The following SAMD5 variants were observed in gnomAD, a reference collection of about 807,000 sequenced individuals.
SAMD5 encodes the protein sterile alpha motif domain containing 5.
In SAMD5, 13 loss-of-function variants were observed where a neutral mutation model predicts 11.3. The ratio of observed to expected loss-of-function variants is 1.15; its 90% CI spans 0.75 to 1.83. The LOEUF (loss-of-function observed/expected upper bound fraction) is 1.83, where lower values mean the gene tolerates loss of function less well. Ranked by LOEUF, SAMD5 falls within the 40% of genes most tolerant of loss-of-function variation. The probability of loss-of-function intolerance (pLI) is 0.00; values close to 1 mark genes in which losing one functional copy is unlikely to be tolerated. For missense variants in SAMD5, 255 were observed against 239.1 expected (o/e 1.07, Z -0.44); for synonymous variants, 129 against 111.3 (o/e 1.16, Z -1.00).
intron 1 of SAMD5, among the ~76,000 whole-genome samples, chr6:147,723,852 T>C (rs1791588896): frequency 3.9e-5 from 6 of 152,172 alleles, no homozygotes; most frequent in African/African-American, 1.4e-4. Context: ...AATGTATAAT[T>C]TTGTAGGTTA....
At chr6:147,909,850 C>T in the SAMD5 span, among the ~76,000 whole-genome samples, 2 of 151,956 alleles carry the variant, frequency 1.3e-5, no homozygotes, top group Admixed American at 6.6e-5. Flanking sequence ...TCACAGGCCT[C>T]CCAGGAATGC....
chr6:147,678,618 C>T (rs1168912468), intron 1 of SAMD5, among the ~76,000 whole-genome samples: 1 of 152,136 alleles, frequency 6.6e-6, no homozygotes, highest in African/African-American at 2.4e-5. Context: ...CTCTCCTCAT[C>T]AACAATCTTA....
At chr6:147,556,184 T>A (rs1006789770) in intron 1 of SAMD5, among the ~76,000 whole-genome samples, 1 of 152,060 alleles carries the variant, frequency 6.6e-6, no homozygotes, top group Admixed American at 6.6e-5. Flanking sequence ...GCTCCGCCTC[T>A]TGGGCTCATG....
chr6:147,899,189 A>AAAAAAG, the SAMD5 span, among the ~76,000 whole-genome samples: 44 of 123,364 alleles, frequency 3.6e-4, no homozygotes, highest in African/African-American at 1.4e-3. Flanking sequence ...AAAAAAAAAA[A>AAAAAAG]AAAAGATAAC....
chr6:147,646,058 C>G (rs1484434926), intron 1 of SAMD5, among the ~76,000 whole-genome samples: 1 of 114,342 alleles, frequency 8.7e-6, no homozygotes, highest in African/African-American at 3.0e-5. Flanking sequence ...ATCTATCTAT[C>G]TATCTATCTA....
chr6:147,704,730 CAA>C (rs1424811949), intron 1 of SAMD5, among the ~76,000 whole-genome samples: 5 of 152,046 alleles, frequency 3.3e-5, no homozygotes, highest in African/African-American at 1.2e-4. Flanking sequence ...GGGTAGCTAA[CAA>C]AGAGGAAAGG....
At chr6:147,580,782 A>G (rs2128446198) in intron 1 of SAMD5, among the ~76,000 whole-genome samples, 1 of 152,034 alleles carries the variant, frequency 6.6e-6, no homozygotes, top group African/African-American at 2.4e-5. Flanking sequence ...CTAGCTTTTA[A>G]AGACATAAAT....
the SAMD5 span, among the ~76,000 whole-genome samples, chr6:147,898,241 T>C: frequency 6.6e-6 from 1 of 152,144 alleles, no homozygotes; most frequent in Non-Finnish European, 1.5e-5. Flanking sequence ...TCAGTACTCA[T>C]TTCTCCCAGC....
At chr6:147,941,758 A>G in the SAMD5 span, among the ~76,000 whole-genome samples, 1 of 149,782 alleles carries the variant, frequency 6.7e-6, no homozygotes, top group African/African-American at 2.5e-5. Context: ...TAAACAAAAT[A>G]CACATTTTTT....
chr6:147,952,541 C>T, the SAMD5 span, among the ~76,000 whole-genome samples: 3 of 152,164 alleles, frequency 2.0e-5, no homozygotes, highest in South Asian at 2.1e-4. Flanking sequence ...GACAGAGTCT[C>T]GCTCTGTCAC....
At chr6:147,823,693 G>A in the SAMD5 span, among the ~76,000 whole-genome samples, 41 of 152,240 alleles carry the variant, frequency 2.7e-4, no homozygotes, top group African/African-American at 9.4e-4. Context: ...CTGAACGGGA[G>A]GCTAAGGAGA....
chr6:147,581,843 A>C (rs184397223), intron 1 of SAMD5, among the ~76,000 whole-genome samples: 10 of 152,296 alleles, frequency 6.6e-5, no homozygotes, highest in Non-Finnish European at 1.5e-4. Flanking sequence ...CTGGTGGGGC[A>C]GGAGGATGAG....
intron 1 of SAMD5, among the ~76,000 whole-genome samples, chr6:147,728,255 G>A (rs1025147002): frequency 1.3e-5 from 2 of 152,074 alleles, no homozygotes; most frequent in African/African-American, 4.8e-5. Flanking sequence ...GTGAAATCCT[G>A]TCTCTACAAA....
At chr6:147,937,652 A>G in the SAMD5 span, among the ~76,000 whole-genome samples, 1 of 152,226 alleles carries the variant, frequency 6.6e-6, no homozygotes, top group Non-Finnish European at 1.5e-5. Context: ...TACAGACAAC[A>G]TGGCCTTTGG....
At chr6:147,618,823 C>A (rs76820328) in intron 1 of SAMD5, among the ~76,000 whole-genome samples, 2,340 of 152,314 alleles carry the variant, frequency 0.015, 55 homozygotes, top group African/African-American at 0.053. Flanking sequence ...CTGAACAACA[C>A]CTTTCTACTT....
chr6:147,594,491 T>A (rs1789501061), intron 1 of SAMD5, among the ~76,000 whole-genome samples: 1 of 152,244 alleles, frequency 6.6e-6, no homozygotes, highest in Non-Finnish European at 1.5e-5. Flanking sequence ...GAGTTTGTTC[T>A]ACAAGTTTTT....
intron 1 of SAMD5, among the ~76,000 whole-genome samples, chr6:147,663,428 T>A (rs1054832570): frequency 6.6e-6 from 1 of 152,076 alleles, no homozygotes; most frequent in African/African-American, 2.4e-5. Context: ...TGAACCAAGC[T>A]TACCTATGTA....
At chr6:147,618,239 C>T (rs762058287) in intron 1 of SAMD5, among the ~76,000 whole-genome samples, 1 of 152,138 alleles carries the variant, frequency 6.6e-6, no homozygotes, top group African/African-American at 2.4e-5. Flanking sequence ...AATAAGACAG[C>T]GCCATGCTCA....
chr6:147,860,439 T>C, the SAMD5 span, among the ~76,000 whole-genome samples: 2 of 152,222 alleles, frequency 1.3e-5, no homozygotes. Flanking sequence ...ACAACTAATA[T>C]CTTAGTGACT....
Sources: gnomAD v4.1 joint callset for allele counts (sites outside exome capture counted in the v4.1 genomes callset) on GRCh38, gnomAD v4.1.1 for gene constraint, MANE v1.5 for transcripts, NCBI Gene and HGNC (gene_info 2026-07-23, HGNC 2026-07-21) for gene names.